Variants in REDIC1 observed in about 807,000 individuals in gnomAD.
REDIC1 encodes the protein regulator of DNA class I crossover intermediates 1.
chr12:39,896,210 A>G, the REDIC1 span, among the ~76,000 whole-genome samples: 1 of 148,556 alleles, frequency 6.7e-6, no homozygotes, highest in South Asian at 2.1e-4. Context: ...GTATACATGT[A>G]TATACGTATA....
the REDIC1 span, among the ~76,000 whole-genome samples, chr12:39,806,545 C>A: frequency 6.6e-6 from 1 of 152,156 alleles, no homozygotes; most frequent in Non-Finnish European, 1.5e-5. Context: ...CACAAAAAGT[C>A]ATGTTCTCAG....
chr12:39,865,704 G>GA, the REDIC1 span, among the ~76,000 whole-genome samples: 1 of 152,204 alleles, frequency 6.6e-6, no homozygotes, highest in Non-Finnish European at 1.5e-5. Flanking sequence ...CTGTAAAAAA[G>GA]AATGAGATCA....
the REDIC1 span, among the ~76,000 whole-genome samples, chr12:39,836,518 G>A: frequency 6.6e-6 from 1 of 151,598 alleles, no homozygotes; most frequent in African/African-American, 2.4e-5. Context: ...GAAATAAAGG[G>A]TATTCAATTA....
chr12:39,853,370 T>C, the REDIC1 span, among the ~76,000 whole-genome samples: 1 of 152,050 alleles, frequency 6.6e-6, no homozygotes. Flanking sequence ...ACTATCTTTA[T>C]GACAGATTTC....
chr12:39,866,455 T>G, the REDIC1 span, among the ~76,000 whole-genome samples: 1 of 152,214 alleles, frequency 6.6e-6, no homozygotes, highest in Admixed American at 6.5e-5. Context: ...GGGCTTACAG[T>G]GAATTTTAAA....
At chr12:39,646,765 G>T in the REDIC1 span, 1 of 997,186 alleles carries the variant, frequency 1.0e-6, no homozygotes, top group Non-Finnish European at 1.5e-6. Context: ...AGAACAGTAT[G>T]AATTTTAAAT....
the REDIC1 span, among the ~76,000 whole-genome samples, chr12:39,653,714 G>GAGCCTCCAGTA: frequency 6.6e-6 from 1 of 151,732 alleles, no homozygotes; most frequent in Non-Finnish European, 1.5e-5. Context: ...ATGCTGAATA[G>GAGCCTCCAGTA]CAGTGGCAAG....
chr12:39,693,457 A>AT, the REDIC1 span, among the ~76,000 whole-genome samples: 2 of 149,332 alleles, frequency 1.3e-5, no homozygotes, highest in Non-Finnish European at 3.0e-5. Context: ...ATTCCAGTCC[A>AT]TTTTTAAAAA....
chr12:39,696,560 AAAAAAAAAAAAAAAAAAAAATAACGC>A, the REDIC1 span, among the ~76,000 whole-genome samples: 1 of 140,718 alleles, frequency 7.1e-6, no homozygotes, highest in Non-Finnish European at 1.5e-5. Context: ...AAAAAAAAAA[AAAAAAAAAAAAAAAAAAAAATAACGC>A]ACCAAGGACC....
the REDIC1 span, among the ~76,000 whole-genome samples, chr12:39,892,073 G>A: frequency 4.6e-5 from 7 of 152,136 alleles, no homozygotes; most frequent in Non-Finnish European, 1.0e-4. Context: ...GGCCTTAAAA[G>A]TTTGCAAATT....
chr12:39,639,671 G>A, the REDIC1 span, among the ~76,000 whole-genome samples: 1 of 151,944 alleles, frequency 6.6e-6, no homozygotes, highest in Non-Finnish European at 1.5e-5. Context: ...TTCCTCATCA[G>A]TAAAGTGGGT....
chr12:39,890,594 G>T, the REDIC1 span, among the ~76,000 whole-genome samples: 2 of 152,128 alleles, frequency 1.3e-5, no homozygotes, highest in African/African-American at 4.8e-5. Context: ...TAGACTGTAA[G>T]ATAATTTGTG....
chr12:39,901,597 A>G, the REDIC1 span, among the ~76,000 whole-genome samples: 7 of 125,196 alleles, frequency 5.6e-5, no homozygotes, highest in African/African-American at 2.1e-4. Flanking sequence ...AAAAATGCTC[A>G]TCATCACTGG....
At chr12:39,847,038 T>A in the REDIC1 span, among the ~76,000 whole-genome samples, 2,104 of 152,302 alleles carry the variant, frequency 0.014, 24 homozygotes, top group Non-Finnish European at 0.019. Flanking sequence ...GAGATATTAA[T>A]GATTCCTTTT....
the REDIC1 span, among the ~76,000 whole-genome samples, chr12:39,802,894 C>A: frequency 6.6e-6 from 1 of 151,950 alleles, no homozygotes; most frequent in African/African-American, 2.4e-5. Flanking sequence ...GAATTAACAT[C>A]AAAATAAAAT....
the REDIC1 span, among the ~76,000 whole-genome samples, chr12:39,760,548 C>A: frequency 2.0e-5 from 3 of 151,994 alleles, no homozygotes; most frequent in Non-Finnish European, 4.4e-5. Context: ...TTATTCTCTT[C>A]CATGTGCTAT....
the REDIC1 span, among the ~76,000 whole-genome samples, chr12:39,629,066 A>C: frequency 3.9e-5 from 6 of 152,194 alleles, no homozygotes; most frequent in African/African-American, 1.4e-4. Context: ...GAGAAATGAG[A>C]AACAGGAAGT....
the REDIC1 span, among the ~76,000 whole-genome samples, chr12:39,657,507 T>G: frequency 6.6e-6 from 1 of 152,242 alleles, no homozygotes; most frequent in Non-Finnish European, 1.5e-5. Flanking sequence ...ATGTGAGTAC[T>G]GGTGTTCTCT....
the REDIC1 span, among the ~76,000 whole-genome samples, chr12:39,723,254 A>C: frequency 1.3e-5 from 2 of 152,138 alleles, no homozygotes; most frequent in African/African-American, 2.4e-5. Context: ...CTGTGAATAT[A>C]ATATCTTTCA....
Sources: gnomAD v4.1 joint callset for allele counts (sites outside exome capture counted in the v4.1 genomes callset) on GRCh38, gnomAD v4.1.1 for gene constraint, MANE v1.5 for transcripts, NCBI Gene and HGNC (gene_info 2026-07-23, HGNC 2026-07-21) for gene names.